The following CREB3L2 variants were observed in gnomAD, a reference collection of about 807,000 sequenced individuals.
CREB3L2 encodes the protein cyclic AMP-responsive element-binding protein 3-like protein 2.
Under a neutral mutation model 57.2 loss-of-function variants are expected in CREB3L2, and 23 were observed. That is an observed-to-expected ratio of 0.40 (90% CI 0.29 to 0.57). CREB3L2 has a LOEUF of 0.57. CREB3L2 is among the 20% of genes least tolerant of loss of function. CREB3L2 has a pLI of 0.42. For missense variants in CREB3L2, 628 were observed against 634.7 expected (o/e 0.99, Z 0.11); for synonymous variants, 268 against 265.1 (o/e 1.01, Z -0.11).
chr7:137,988,095 C>T (rs1801821901), intron 1 of CREB3L2, among the ~76,000 whole-genome samples: 1 of 152,230 alleles, frequency 6.6e-6, no homozygotes, highest in Non-Finnish European at 1.5e-5. Context: ...TCTCCTTCCT[C>T]TGCACCCACC....
At chr7:137,982,651 G>A (rs888297620) in intron 1 of CREB3L2, among the ~76,000 whole-genome samples, 1 of 152,190 alleles carries the variant, frequency 6.6e-6, no homozygotes, top group Non-Finnish European at 1.5e-5. Context: ...CCAAGATTGT[G>A]AGGCCTCCCC....
chr7:137,959,520 G>T (rs1801280742), intron 1 of CREB3L2, among the ~76,000 whole-genome samples: 1 of 152,196 alleles, frequency 6.6e-6, no homozygotes, highest in Non-Finnish European at 1.5e-5. Context: ...CAAATTGCTG[G>T]TTCACAGAAT....
intron 8 of CREB3L2, among the ~76,000 whole-genome samples, chr7:137,887,418 T>C (rs1799442990): frequency 6.6e-6 from 1 of 152,116 alleles, no homozygotes; most frequent in African/African-American, 2.4e-5. Context: ...GACTCAAAAC[T>C]CCTTTCTGGG....
chr7:137,967,311 G>GA (rs1224241216), intron 1 of CREB3L2, among the ~76,000 whole-genome samples: 2 of 152,294 alleles, frequency 1.3e-5, no homozygotes, highest in South Asian at 4.1e-4. Context: ...AAAGGTGAGT[G>GA]AATCTCCATC....
chr7:137,889,034 C>A (rs772630492), intron 8 of CREB3L2, among the ~76,000 whole-genome samples: 14 of 152,076 alleles, frequency 9.2e-5, no homozygotes, highest in Non-Finnish European at 1.5e-5. Context: ...GCAGCCAGCC[C>A]GTACTTCCTC....
chr7:137,897,134 G>A (rs1320349162), intron 8 of CREB3L2, among the ~76,000 whole-genome samples: 1 of 152,164 alleles, frequency 6.6e-6, no homozygotes, highest in African/African-American at 2.4e-5. Context: ...GTGGAGTGAT[G>A]GATGTGTTAA....
Position 137,880,651 on chromosome 7 carries a change from T to G in CREB3L2, c.1488-100A>C. On this transcript the variant is annotated intron_variant, in intron 11 of 11. Coordinates refer to ENST00000330387, the MANE Select transcript of CREB3L2 (RefSeq NM_194071.4). This position sits in a 1 kb window ranked among gnomAD's most constrained non-coding sequence, Gnocchi z 4.0. ...ATGCAATCATTCAGGGGTTGCAACTTGGTGAGACGGCCTGGGCATGTTTCT... is the reference window on the plus strand; with the variant it reads ...ATGCAATCATTCAGGGGTTGCAACTGGGTGAGACGGCCTGGGCATGTTTCT... 1.1e-6 allele frequency: 1 copy of G among 907,722 alleles called. No homozygotes were observed. Among genetic ancestry groups the G allele is most frequent in the South Asian group, 1.4e-5 (1 of 72,568 alleles). 56.2% of individuals were successfully genotyped at this position (907,722 alleles called of 1,614,324 possible).
chr7:137,979,199 C>T (rs987400227), intron 1 of CREB3L2, among the ~76,000 whole-genome samples: 13 of 152,214 alleles, frequency 8.5e-5, no homozygotes, highest in African/African-American at 2.9e-4. Flanking sequence ...GGGAAGAATA[C>T]GAGTGCTTTG....
intron 2 of CREB3L2, among the ~76,000 whole-genome samples, chr7:137,926,234 T>C (rs1210388661): frequency 1.3e-5 from 2 of 152,226 alleles, no homozygotes; most frequent in Non-Finnish European, 1.5e-5. Context: ...TTACTGGGTA[T>C]ATACCCAAAG....
intron 1 of CREB3L2, among the ~76,000 whole-genome samples, chr7:137,936,576 T>C (rs1800789974): frequency 6.6e-6 from 1 of 152,180 alleles, no homozygotes; most frequent in Non-Finnish European, 1.5e-5. Context: ...GGGAATCTAA[T>C]GAATGCTCCT....
At chr7:137,930,247 T>C (rs1347762523) in intron 1 of CREB3L2, among the ~76,000 whole-genome samples, 2 of 152,238 alleles carry the variant, frequency 1.3e-5, no homozygotes, top group African/African-American at 4.8e-5. Context: ...TAGAGATTTC[T>C]GCCTTCTTAA....
At chr7:137,920,680 T>C (rs1800254752) in intron 2 of CREB3L2, among the ~76,000 whole-genome samples, 1 of 152,236 alleles carries the variant, frequency 6.6e-6, no homozygotes. Context: ...CCATCAACTA[T>C]GGATCATATC....
intron 1 of CREB3L2, among the ~76,000 whole-genome samples, chr7:137,945,587 A>G (rs1694372575): frequency 6.6e-6 from 1 of 152,238 alleles, no homozygotes; most frequent in Admixed American, 6.5e-5. Context: ...CTGCAGGGCA[A>G]TAATACCCCA....
At chr7:137,956,992 C>T (rs548007896) in intron 1 of CREB3L2, among the ~76,000 whole-genome samples, 4 of 152,240 alleles carry the variant, frequency 2.6e-5, no homozygotes, top group African/African-American at 9.6e-5. Context: ...GGATTTAATC[C>T]AATGCCCCCC....
intron 1 of CREB3L2, among the ~76,000 whole-genome samples, chr7:137,973,315 C>T (rs1023484313): frequency 2.0e-5 from 3 of 151,974 alleles, no homozygotes; most frequent in African/African-American, 7.3e-5. Flanking sequence ...AAGGAGAATC[C>T]ACACACTCCT....
intron 1 of CREB3L2, among the ~76,000 whole-genome samples, chr7:137,929,008 C>T (rs930216740): frequency 1.3e-5 from 2 of 152,214 alleles, no homozygotes; most frequent in African/African-American, 4.8e-5. Flanking sequence ...TCCTCTGTTT[C>T]TATAGCACAA....
intron 1 of CREB3L2, among the ~76,000 whole-genome samples, chr7:137,988,283 G>A (rs1294270272): frequency 3.3e-5 from 5 of 152,264 alleles, no homozygotes; most frequent in Admixed American, 2.6e-4. Context: ...GCACAAGAGG[G>A]GAGCAGGGAT....
In CREB3L2 at chr7:137,877,351, G is replaced by C. The variant is rs992173497; in HGVS notation, c.*3125C>G. ...CTCATCCCCACTCCCTGCCAAAAAAGAGCAACCTAGTTCAGCTGTCGGATT... is the reference window on the plus strand; with the variant it reads ...CTCATCCCCACTCCCTGCCAAAAAACAGCAACCTAGTTCAGCTGTCGGATT... On this transcript the variant is annotated 3_prime_UTR_variant, in exon 12 of 12. Coordinates refer to ENST00000330387, the MANE Select transcript of CREB3L2 (RefSeq NM_194071.4). The C allele has an allele frequency of 8.8e-6, 2 of 227,508 alleles. No individual in the cohort carries two copies. Among genetic ancestry groups the C allele is most frequent in the African/African-American group, 4.4e-5 (2 of 45,018 alleles). 14.1% of individuals were successfully genotyped at this position (227,508 alleles called of 1,614,324 possible).
chr7:137,922,401 T>TAC (rs1447048110), intron 2 of CREB3L2, among the ~76,000 whole-genome samples: 2 of 23,714 alleles, frequency 8.4e-5, no homozygotes, highest in Non-Finnish European at 7.0e-5. Flanking sequence ...TATATATATA[T>TAC]ATATATATAT....
Sources: allele counts gnomAD v4.1 joint callset (sites outside exome capture counted in the v4.1 genomes callset), GRCh38; gene constraint gnomAD v4.1.1; non-coding constraint Gnocchi (gnomAD v3.1); transcripts MANE v1.5; gene names NCBI Gene and HGNC (gene_info 2026-07-23, HGNC 2026-07-21).